SYT14: variants seen among roughly 807,000 people sequenced by gnomAD.
The protein encoded by SYT14 is synaptotagmin 14.
Under a neutral mutation model 74.2 loss-of-function variants are expected in SYT14, and 32 were observed. The ratio of observed to expected loss-of-function variants is 0.43; its 90% CI spans 0.33 to 0.58. SYT14 has a LOEUF of 0.58. SYT14 is among the 20% of genes least tolerant of loss of function. The probability of loss-of-function intolerance (pLI) is 0.05; values close to 1 mark genes in which losing one functional copy is unlikely to be tolerated. For synonymous variants in SYT14, 298 were observed against 337.7 expected, an observed-to-expected ratio of 0.88 and a Z score of 1.29; for missense variants, 791 against 981.8, an observed-to-expected ratio of 0.81 and a Z score of 2.60.
intron 2 of SYT14, among the ~76,000 whole-genome samples, chr1:209,999,703 G>T (rs2079859241): frequency 6.6e-6 from 1 of 152,132 alleles, no homozygotes; most frequent in South Asian, 2.1e-4. Context: ...TAAAAAAGTG[G>T]ATCTCATAGA....
chr1:210,100,576 T>C, intron 7 of SYT14, 115 bp downstream of exon 6: 1 of 1,005,528 alleles, frequency 9.9e-7, no homozygotes, highest in South Asian at 1.5e-5. Context: ...TTTTACATAG[T>C]AATCATGCCT....
At chr1:210,150,938 A>G (rs756217857) in intron 7 of SYT14, among the ~76,000 whole-genome samples, 7 of 152,178 alleles carry the variant, frequency 4.6e-5, no homozygotes, top group Non-Finnish European at 8.8e-5. Context: ...ATTTTAACCT[A>G]TTCACACCAT....
At chr1:210,117,395 C>T (rs2082381903) in intron 7 of SYT14, among the ~76,000 whole-genome samples, 1 of 152,048 alleles carries the variant, frequency 6.6e-6, no homozygotes, top group African/African-American at 2.4e-5. Context: ...TTCACAACTA[C>T]CATTGTCAGC....
intron 2 of SYT14, among the ~76,000 whole-genome samples, chr1:209,965,457 TTG>T (rs2079141612): frequency 6.6e-6 from 1 of 152,196 alleles, no homozygotes; most frequent in Non-Finnish European, 1.5e-5. Context: ...ATCCAGTCAA[TTG>T]TTGATGGGCA....
chr1:210,057,425 C>A (rs572797489), intron 5 of SYT14, among the ~76,000 whole-genome samples: 3 of 152,250 alleles, frequency 2.0e-5, no homozygotes, highest in African/African-American at 7.2e-5. Context: ...AGTTTTCTTG[C>A]CAACACTCTC....
chr1:210,016,917 A>G, exon 4 of SYT14: 2 of 1,231,620 alleles, frequency 1.6e-6, no homozygotes, highest in Non-Finnish European at 2.0e-6. Context: ...GAAGACATAC[A>G]TCCAGCACCA....
chr1:209,987,409 G>A (rs999957127), intron 2 of SYT14, among the ~76,000 whole-genome samples: 12 of 152,202 alleles, frequency 7.9e-5, no homozygotes, highest in African/African-American at 2.2e-4. Flanking sequence ...GCCTCAGGAA[G>A]CTTTTACTAA....
intron 2 of SYT14, among the ~76,000 whole-genome samples, chr1:209,981,424 T>C (rs1172557062): frequency 6.9e-6 from 1 of 144,838 alleles, no homozygotes; most frequent in Admixed American, 7.3e-5. Flanking sequence ...ATTTCTTTTC[T>C]TTCTTTTTCT....
chr1:210,001,868 G>A (rs1236622362), intron 2 of SYT14, among the ~76,000 whole-genome samples: 1 of 152,166 alleles, frequency 6.6e-6, no homozygotes, highest in African/African-American at 2.4e-5. Flanking sequence ...AAGGCCGACT[G>A]TGGAATGAAC....
At chr1:210,085,352 C>T (rs979941534) in intron 5 of SYT14, among the ~76,000 whole-genome samples, 1 of 152,168 alleles carries the variant, frequency 6.6e-6, no homozygotes, top group Non-Finnish European at 1.5e-5. Flanking sequence ...TCTTTCCAAT[C>T]ATTTTACATC....
At chr1:209,970,033 A>C (rs2079221965) in intron 2 of SYT14, among the ~76,000 whole-genome samples, 1 of 152,008 alleles carries the variant, frequency 6.6e-6, no homozygotes, top group African/African-American at 2.4e-5. Flanking sequence ...CATTGTGTTG[A>C]TTACTTCTTT....
intron 5 of SYT14, among the ~76,000 whole-genome samples, chr1:210,073,904 A>G (rs2081440851): frequency 1.4e-5 from 2 of 144,530 alleles, no homozygotes; most frequent in South Asian, 4.4e-4. Flanking sequence ...ATACTATCAC[A>G]AAGCTTTAAT....
intron 1 of SYT14, among the ~76,000 whole-genome samples, chr1:209,946,010 TATG>T (rs1423406960): frequency 6.6e-6 from 1 of 152,232 alleles, no homozygotes; most frequent in Non-Finnish European, 1.5e-5. Context: ...TTATATTTGT[TATG>T]ATGATCTGTG....
At position 209,946,235 on chromosome 1, in the gene SYT14, C is replaced by T. The variant is rs370716580; in HGVS notation, c.-533-6474C>T. Among the ~76,000 whole-genome samples, 95 of 152,280 alleles carry T rather than the reference C, an allele frequency of 6.2e-4. 5 individuals are homozygous for T. The South Asian group carries it at 0.019, about 31-fold the overall frequency. ...ACAAATGTTCAATGAAAGGAAGAGT[C>T]ACATGTCTCTCACTTTAAATCAAAA... On this transcript the variant is annotated intron_variant, in intron 1 of 9. Coordinates refer to ENST00000637265, the Ensembl canonical transcript of SYT14.
In SYT14 at chr1:210,156,088, T is replaced by C. The variant is rs2083262400; in HGVS notation, c.2224+178T>C. Among the ~76,000 whole-genome samples, 3 of 152,200 alleles carry C rather than the reference T, an allele frequency of 2.0e-5. No individual in the cohort carries two copies. The South Asian group carries it at 6.2e-4, about 31-fold the overall frequency. ...ATTTGGGAAGTAGAAAAATTTGAAATTCAAAGTATTCATAGTAAGGTGACA... is the reference window on the plus strand; with the variant it reads ...ATTTGGGAAGTAGAAAAATTTGAAACTCAAAGTATTCATAGTAAGGTGACA... On this transcript the variant is annotated intron_variant, in intron 8 of 9. Coordinates refer to ENST00000637265, the Ensembl canonical transcript of SYT14.
At chr1:209,983,318 T>A (rs909490042) in intron 2 of SYT14, among the ~76,000 whole-genome samples, 1 of 152,198 alleles carries the variant, frequency 6.6e-6, no homozygotes, top group African/African-American at 2.4e-5. Flanking sequence ...CCTCTTCTCC[T>A]TTTGGTTCTC....
intron 2 of SYT14, among the ~76,000 whole-genome samples, chr1:209,967,345 C>T (rs1028462438): frequency 6.6e-6 from 1 of 152,028 alleles, no homozygotes; most frequent in East Asian, 1.9e-4. Context: ...AGTATTCCCT[C>T]CTCTTGAATT....
At chr1:210,145,516 A>G (rs879491786) in intron 7 of SYT14, among the ~76,000 whole-genome samples, 1 of 152,228 alleles carries the variant, frequency 6.6e-6, no homozygotes, top group East Asian at 1.9e-4. Flanking sequence ...ATTTGAGGAC[A>G]TACAAAGATG....
intron 7 of SYT14, among the ~76,000 whole-genome samples, chr1:210,140,812 G>A (rs1170250894): frequency 6.6e-6 from 1 of 152,056 alleles, no homozygotes; most frequent in Admixed American, 6.6e-5. Flanking sequence ...GCCCATAAAT[G>A]TAAGTTTTTA....
Sources: allele counts gnomAD v4.1 joint callset (sites outside exome capture counted in the v4.1 genomes callset), GRCh38; gene constraint gnomAD v4.1.1; transcripts MANE v1.5; gene names NCBI Gene and HGNC (gene_info 2026-07-23, HGNC 2026-07-21).